Variants in GRIK2 observed in about 807,000 individuals in gnomAD.
The protein encoded by GRIK2 is glutamate receptor ionotropic, kainate 2.
GRIK2 carries 32 observed loss-of-function variants against 100.3 expected under a neutral mutation model. The observed-to-expected ratio is 0.32, with a 90% confidence interval of 0.24 to 0.43. The LOEUF (loss-of-function observed/expected upper bound fraction) is 0.43, where lower values mean the gene tolerates loss of function less well. Among genes scored for constraint, GRIK2 ranks in the 20% least tolerant of loss-of-function variants. The pLI is 1.00. For missense variants in GRIK2, 843 were observed against 1,114.9 expected, an observed-to-expected ratio of 0.76 and a Z score of 3.47; for synonymous variants, 417 against 389.4, an observed-to-expected ratio of 1.07 and a Z score of -0.83.
intron 7 of GRIK2, among the ~76,000 whole-genome samples, chr6:101,761,144 G>A (rs1204258658): frequency 6.6e-6 from 1 of 152,060 alleles, no homozygotes; most frequent in Non-Finnish European, 1.5e-5. Context: ...GAGGACTGCT[G>A]GATCACACAT....
At chr6:101,664,783 G>T (rs911301013) in intron 4 of GRIK2, among the ~76,000 whole-genome samples, 3 of 152,156 alleles carry the variant, frequency 2.0e-5, no homozygotes, top group Non-Finnish European at 4.4e-5. Flanking sequence ...ACAGATGACT[G>T]GGGAGGCCTC....
chr6:101,809,892 A>T (rs534021545), intron 9 of GRIK2, among the ~76,000 whole-genome samples: 1 of 152,098 alleles, frequency 6.6e-6, no homozygotes, highest in Non-Finnish European at 1.5e-5. Context: ...GCAACTTTAC[A>T]CTTTCAGGAC....
intron 7 of GRIK2, among the ~76,000 whole-genome samples, chr6:101,797,988 A>G (rs1363950300): frequency 6.6e-6 from 1 of 150,908 alleles, no homozygotes; most frequent in African/African-American, 2.4e-5. Context: ...ATAAGAAAAC[A>G]TCGTGAATTT....
chr6:101,726,117 A>G lies in GRIK2; in HGVS notation c.951+39764A>G, dbSNP rs533744008. Among the ~76,000 whole-genome samples, 3 of 152,108 alleles carry G rather than the reference A, an allele frequency of 2.0e-5. No individual in the cohort carries two copies. In the East Asian group the frequency reaches 5.8e-4, roughly 29 times the overall value. On this transcript the variant is annotated intron_variant, in intron 7 of 16. Coordinates refer to ENST00000369134, the MANE Select transcript of GRIK2 (RefSeq NM_021956.5). ...CTTATATATATAACAGTGCTAAGATAGGTCTTAGGTAATTGTAATTTTCTC... is the reference window on the plus strand; with the variant it reads ...CTTATATATATAACAGTGCTAAGATGGGTCTTAGGTAATTGTAATTTTCTC...
At position 101,594,399 on chromosome 6, in the gene GRIK2, T is replaced by C. The variant is rs147974034; in HGVS notation, c.116-27550T>C. On this transcript the variant is annotated intron_variant, in intron 2 of 16. Coordinates refer to ENST00000369134, the MANE Select transcript of GRIK2 (RefSeq NM_021956.5). The stretch of plus-strand genomic sequence containing the variant: ...ACATTTTCATATCCTCCTGGAGTTA[T>C]ATTTGATGGATGTATTATATCACAA... Among the ~76,000 whole-genome samples the C allele has an allele frequency of 1.0e-2, 1,514 of 151,964 alleles. 26 individuals carry two copies. The highest frequency in any genetic ancestry group is 0.035 in the African/African-American group (1,448 of 41,518).
intron 16 of GRIK2, among the ~76,000 whole-genome samples, chr6:102,057,510 T>C (rs1199108875): frequency 6.6e-6 from 1 of 152,016 alleles, no homozygotes; most frequent in East Asian, 1.9e-4. Flanking sequence ...TATGATCCTC[T>C]AAAAATTAGA....
chr6:101,498,807 A>G (rs1189385506), intron 2 of GRIK2, among the ~76,000 whole-genome samples: 5 of 152,088 alleles, frequency 3.3e-5, no homozygotes, highest in Admixed American at 1.3e-4. Context: ...ATTGTCTCCC[A>G]TTTTGTAGGT....
intron 1 of GRIK2, among the ~76,000 whole-genome samples, chr6:101,396,242 TC>T (rs112605796): frequency 0.075 from 9,943 of 131,914 alleles, 774 homozygotes; most frequent in African/African-American, 0.2. Context: ...AATTTAGCAT[TC>T]CCCCCCCCCC....
At chr6:101,765,881 A>G (rs1331947764) in intron 7 of GRIK2, among the ~76,000 whole-genome samples, 2 of 152,138 alleles carry the variant, frequency 1.3e-5, no homozygotes, top group Non-Finnish European at 2.9e-5. Flanking sequence ...TTATACATCT[A>G]CTTAAACTTA....
intron 13 of GRIK2, 28 bp from the exon 14 acceptor site, chr6:101,928,387 G>A (rs763873458): frequency 6.9e-6 from 8 of 1,151,112 alleles, no homozygotes; most frequent in South Asian, 3.7e-5. Context: ...CTCTATATTC[G>A]TTTCACCTTT....
intron 7 of GRIK2, among the ~76,000 whole-genome samples, chr6:101,747,230 A>G (rs550470427): frequency 6.6e-6 from 1 of 152,176 alleles, no homozygotes; most frequent in Non-Finnish European, 1.5e-5. Context: ...GGAACCCTTT[A>G]AAGGAACCCT....
At chr6:101,758,243 T>C (rs1293754242) in intron 7 of GRIK2, among the ~76,000 whole-genome samples, 1 of 152,106 alleles carries the variant, frequency 6.6e-6, no homozygotes, top group African/African-American at 2.4e-5. Context: ...AAAAATTAAA[T>C]AAATAAATGA....
chr6:101,672,283 C>T (rs541810263), intron 4 of GRIK2, among the ~76,000 whole-genome samples: 19 of 152,162 alleles, frequency 1.2e-4, no homozygotes, highest in Admixed American at 7.9e-4. Context: ...TGTTAGCAAC[C>T]CTTGACATGG....
rs1771565249 is a variant in GRIK2, at chr6:102,058,302, C to G, written c.2562+2722C>G. Among the ~76,000 whole-genome samples the G allele has an allele frequency of 2.0e-5, 3 of 151,760 alleles. No individual in the cohort carries two copies. In the South Asian group the frequency reaches 6.2e-4, roughly 31 times the overall value. On this transcript the variant is annotated intron_variant, in intron 16 of 16. Coordinates refer to ENST00000369134, the MANE Select transcript of GRIK2 (RefSeq NM_021956.5). ...GTATTTTTTGTTTGTATCTCCAAGG[C>G]CTCAATTAGTGCCTGGTGGCATAAT...
At chr6:101,428,113 A>G (rs1278968235) in intron 2 of GRIK2, among the ~76,000 whole-genome samples, 1 of 152,212 alleles carries the variant, frequency 6.6e-6, no homozygotes, top group Non-Finnish European at 1.5e-5. Context: ...CCTATGAACA[A>G]AAATGTCAGC....
intron 15 of GRIK2, among the ~76,000 whole-genome samples, chr6:102,048,819 C>T (rs1253846809): frequency 6.6e-6 from 1 of 151,892 alleles, no homozygotes; most frequent in Non-Finnish European, 1.5e-5. Flanking sequence ...AGGTCATATA[C>T]AGCATGTAAT....
chr6:101,806,474 A>C (rs148718044), intron 9 of GRIK2, among the ~76,000 whole-genome samples: 1 of 152,030 alleles, frequency 6.6e-6, no homozygotes, highest in East Asian at 1.9e-4. Flanking sequence ...GCAGCCAGGC[A>C]GATATTTTTA....
chr6:101,928,709 A>T, intron 14 of GRIK2, 77 bp downstream of exon 14: 2 of 759,106 alleles, frequency 2.6e-6, no homozygotes, highest in Non-Finnish European at 2.4e-6. Flanking sequence ...CAAATGTAAG[A>T]GTGTAACAAC....
intron 2 of GRIK2, among the ~76,000 whole-genome samples, chr6:101,618,516 C>T (rs1047686052): frequency 1.3e-4 from 20 of 151,826 alleles, no homozygotes; most frequent in African/African-American, 4.6e-4. Flanking sequence ...ACTTACCATA[C>T]ACTTTAATTC....
Sources: allele counts gnomAD v4.1 joint callset (sites outside exome capture counted in the v4.1 genomes callset), GRCh38; gene constraint gnomAD v4.1.1; transcripts MANE v1.5; gene names NCBI Gene and HGNC (gene_info 2026-07-23, HGNC 2026-07-21).